FA2H: variants seen among roughly 807,000 people sequenced by gnomAD.
The protein encoded by FA2H is fatty acid 2-hydroxylase, also known as fatty acid alpha-hydroxylase.
FA2H carries 22 observed loss-of-function variants against 44.9 expected under a neutral mutation model. The observed-to-expected ratio is 0.49, with a 90% CI of 0.35 to 0.70. The LOEUF (loss-of-function observed/expected upper bound fraction) is 0.70, where lower values mean the gene tolerates loss of function less well. Ranked by LOEUF, FA2H falls within the 30% of genes least tolerant of loss-of-function variation. The probability of loss-of-function intolerance (pLI) is 0.01; values close to 1 mark genes in which losing one functional copy is unlikely to be tolerated. For missense variants in FA2H, 501 were observed against 504.9 expected (o/e 0.99, Z 0.07); for synonymous variants, 243 against 213.2 (o/e 1.14, Z -1.22).
At chr16:74,716,729 T>A in intron 5 of FA2H, 130 bp from the exon 6 acceptor site, 3 of 1,101,662 alleles carry the variant, frequency 2.7e-6, no homozygotes, top group South Asian at 1.7e-5. Context: ...TTGGCACCTT[T>A]GGTGGCTTTG....
At chr16:74,763,156 T>C (rs1457554225) in intron 1 of FA2H, among the ~76,000 whole-genome samples, 2 of 152,224 alleles carry the variant, frequency 1.3e-5, no homozygotes, top group Non-Finnish European at 2.9e-5. Context: ...CTTTGATCTT[T>C]GTGAGTAAAC....
intron 1 of FA2H, among the ~76,000 whole-genome samples, chr16:74,770,603 T>C (rs1025608569): frequency 1.3e-5 from 2 of 152,160 alleles, no homozygotes; most frequent in Non-Finnish European, 2.9e-5. Flanking sequence ...ACTCCTGGGC[T>C]CAAGTGATCC....
chr16:74,727,899 T>G (rs1321198009), intron 2 of FA2H, among the ~76,000 whole-genome samples: 1 of 152,214 alleles, frequency 6.6e-6, no homozygotes, highest in Non-Finnish European at 1.5e-5. Context: ...GCCTGGGTAA[T>G]TAATTCATTC....
At chr16:74,716,976 A>G (rs73614655) in intron 5 of FA2H, 7,623 of 230,438 alleles carry the variant, frequency 0.033, 182 homozygotes, top group African/African-American at 0.068. Context: ...GCCCCTGGCT[A>G]GAGGGGCATT....
chr16:74,723,083 G>T (rs1961874428), intron 4 of FA2H, among the ~76,000 whole-genome samples: 1 of 152,218 alleles, frequency 6.6e-6, no homozygotes, highest in Non-Finnish European at 1.5e-5. Context: ...AGCTGCCTAG[G>T]CGTTTAACCT....
At chr16:74,726,166 C>T in intron 4 of FA2H, 59 bp downstream of exon 4, 1 of 1,168,578 alleles carries the variant, frequency 8.6e-7, no homozygotes, top group Non-Finnish European at 1.3e-6. Context: ...CCAGGGAAAG[C>T]ACTGAGGTCT....
chr16:74,771,444 G>C (rs1962904320), intron 1 of FA2H, among the ~76,000 whole-genome samples: 1 of 151,774 alleles, frequency 6.6e-6, no homozygotes, highest in Non-Finnish European at 1.5e-5. Flanking sequence ...GCCTGCCTCA[G>C]CCTCCCAAGC....
intron 1 of FA2H, among the ~76,000 whole-genome samples, chr16:74,766,668 G>A (rs188107436): frequency 2.9e-4 from 44 of 152,278 alleles, no homozygotes; most frequent in Middle Eastern, 3.4e-3. Context: ...AAGATCAACA[G>A]GTGGTCCAAG....
chr16:74,727,830 G>A (rs1304131961), intron 2 of FA2H, among the ~76,000 whole-genome samples: 2 of 152,160 alleles, frequency 1.3e-5, no homozygotes, highest in African/African-American at 4.8e-5. Flanking sequence ...AGGTACAGGA[G>A]GTAATACATT....
At chr16:74,772,719 T>C (rs931678482) in intron 1 of FA2H, among the ~76,000 whole-genome samples, 5 of 152,214 alleles carry the variant, frequency 3.3e-5, no homozygotes, top group African/African-American at 1.2e-4. Context: ...ACGGTTTCAC[T>C]TTCCATGGTT....
At chr16:74,766,224 G>C (rs1348585811) in intron 1 of FA2H, among the ~76,000 whole-genome samples, 1 of 152,032 alleles carries the variant, frequency 6.6e-6, no homozygotes, top group Admixed American at 6.6e-5. Flanking sequence ...ACTTGAACCT[G>C]GGAGGCAGAG....
At chr16:74,756,419 C>T (rs898269926) in intron 1 of FA2H, among the ~76,000 whole-genome samples, 9 of 152,082 alleles carry the variant, frequency 5.9e-5, no homozygotes, top group African/African-American at 2.2e-4. Flanking sequence ...AAGGGTTTCT[C>T]CAAAGTGGCT....
intron 4 of FA2H, among the ~76,000 whole-genome samples, chr16:74,719,489 A>T (rs1030869632): frequency 2.6e-5 from 4 of 152,008 alleles, no homozygotes; most frequent in Admixed American, 2.0e-4. Flanking sequence ...ATTGGAGAAG[A>T]GAAGGCGACA....
intron 1 of FA2H, among the ~76,000 whole-genome samples, chr16:74,762,458 T>C (rs931155240): frequency 6.6e-6 from 1 of 152,258 alleles, no homozygotes; most frequent in African/African-American, 2.4e-5. Context: ...TTTCAGTTTC[T>C]TTTTTAAAGA....
At chr16:74,740,761 GCCC>G (rs1443383766) in intron 1 of FA2H, among the ~76,000 whole-genome samples, 2 of 152,090 alleles carry the variant, frequency 1.3e-5, no homozygotes. Context: ...CTTAGTGGGA[GCCC>G]TCCGGGAAAG....
At chr16:74,739,920 G>A in intron 2 of FA2H, 103 bp downstream of exon 2, 1 of 888,750 alleles carries the variant, frequency 1.1e-6, no homozygotes, top group South Asian at 1.3e-5. Context: ...TCTCCCCTGG[G>A]CACACGTCAT....
rs1345727725 is a variant in FA2H, at chr16:74,713,119, T to G, written c.*1071A>C. On this transcript the variant is annotated 3_prime_UTR_variant, in exon 7 of 7. Transcript: ENST00000219368. ...AACTGCTTCTCTTTAGCCTTTACAC[T>G]TGGCGAGTTTTTTAAGTTTCAAGTA... The G allele has an allele frequency of 6.6e-6, 1 of 152,644 alleles. No homozygotes were observed. The highest frequency in any genetic ancestry group is 6.5e-5 in the Admixed American group (1 of 15,276). The allele number at this position is 152,644 out of a possible 1,614,324, so 9.5% of individuals were successfully genotyped here. A position where few individuals can be genotyped will look rare whatever the true frequency, so the allele number is the denominator to read the frequency against.
At chr16:74,740,653 T>C (rs1177138801) in intron 1 of FA2H, among the ~76,000 whole-genome samples, 1 of 147,232 alleles carries the variant, frequency 6.8e-6, no homozygotes, top group Non-Finnish European at 1.5e-5. Flanking sequence ...ATAATAATAA[T>C]AATAATAATA....
At chr16:74,767,707 G>A (rs1159042929) in intron 1 of FA2H, among the ~76,000 whole-genome samples, 2 of 152,210 alleles carry the variant, frequency 1.3e-5, no homozygotes, top group African/African-American at 2.4e-5. Context: ...CTCCCCTAGA[G>A]CATCCAGAAG....
Sources: allele counts gnomAD v4.1 joint callset (sites outside exome capture counted in the v4.1 genomes callset), GRCh38; gene constraint gnomAD v4.1.1; transcripts MANE v1.5; gene names NCBI Gene and HGNC (gene_info 2026-07-23, HGNC 2026-07-21).